MACIR: variants seen among roughly 807,000 people sequenced by gnomAD.
MACIR encodes the protein UNC119-binding protein C5orf30.
Under a neutral mutation model 14.3 loss-of-function variants are expected in MACIR, and 4 were observed. The ratio of observed to expected loss-of-function variants is 0.28; its 90% CI spans 0.14 to 0.64. The LOEUF (loss-of-function observed/expected upper bound fraction) is 0.64, where lower values mean the gene tolerates loss of function less well. Ranked by LOEUF, MACIR falls within the 30% of genes least tolerant of loss-of-function variation. The probability of loss-of-function intolerance (pLI) is 0.83; values close to 1 mark genes in which losing one functional copy is unlikely to be tolerated. For missense variants in MACIR, 228 were observed against 257.6 expected (o/e 0.89, Z 0.79); for synonymous variants, 101 against 102.4 (o/e 0.99, Z 0.08).
intron 2 of MACIR, among the ~76,000 whole-genome samples, chr5:103,275,587 T>C (rs1268395493): frequency 1.3e-5 from 2 of 152,180 alleles, no homozygotes; most frequent in Admixed American, 6.5e-5. Flanking sequence ...GAATAAACTT[T>C]ATGTGATTGA....
chr5:103,271,707 A>T (rs782586799), intron 2 of MACIR, among the ~76,000 whole-genome samples: 2 of 152,020 alleles, frequency 1.3e-5, no homozygotes, highest in Non-Finnish European at 2.9e-5. Flanking sequence ...GAAAAATTGT[A>T]TTGTTCCTGG....
rs1805364068 is a variant in MACIR, at chr5:103,277,051, CT to C, written c.*512del. 1 of 166,940 alleles carries C rather than the reference CT, an allele frequency of 6.0e-6. No homozygotes were observed. The highest frequency in any genetic ancestry group is 1.5e-5 in the Non-Finnish European group (1 of 68,128). 10.3% of individuals were successfully genotyped at this position (166,940 alleles called of 1,614,324 possible). ...AATATTGAGTTTAAATATTTTATAACTGGTTTTGCACTGAAAAAATTAACAT... is the reference window on the plus strand; with the variant it reads ...AATATTGAGTTTAAATATTTTATAACGGTTTTGCACTGAAAAAATTAACAT... On this transcript the variant is annotated 3_prime_UTR_variant, in exon 3 of 3. Coordinates refer to ENST00000319933, the MANE Select transcript of MACIR (RefSeq NM_033211.4).
At chr5:103,262,957 G>A (rs1036305756) in intron 1 of MACIR, among the ~76,000 whole-genome samples, 10 of 152,242 alleles carry the variant, frequency 6.6e-5, no homozygotes, top group South Asian at 4.1e-4. Flanking sequence ...AGTTGCAAGC[G>A]TTAGAGAATT....
At chr5:103,268,651 T>C (rs1008315306) in intron 2 of MACIR, among the ~76,000 whole-genome samples, 2 of 152,204 alleles carry the variant, frequency 1.3e-5, no homozygotes, top group African/African-American at 4.8e-5. Context: ...GAACCCAGGC[T>C]ACACCCCAGA....
intron 2 of MACIR, among the ~76,000 whole-genome samples, chr5:103,270,785 A>G (rs113412673): frequency 0.011 from 1,637 of 152,250 alleles, 32 homozygotes; most frequent in African/African-American, 0.038. Context: ...ACTGACTCAG[A>G]CACCCTATAG....
intron 2 of MACIR, among the ~76,000 whole-genome samples, chr5:103,269,775 G>C (rs1336459734): frequency 2.6e-5 from 4 of 152,140 alleles, no homozygotes; most frequent in African/African-American, 4.8e-5. Context: ...GTTATGGTTT[G>C]GACCTGTTTG....
At chr5:103,265,370 A>C (rs2149924623) in intron 1 of MACIR, among the ~76,000 whole-genome samples, 1 of 152,264 alleles carries the variant, frequency 6.6e-6, no homozygotes, top group Middle Eastern at 3.4e-3. Flanking sequence ...CAGCATGTAA[A>C]GCATTCACCT....
At chr5:103,263,513 C>A (rs77389991) in intron 1 of MACIR, among the ~76,000 whole-genome samples, 1,751 of 152,244 alleles carry the variant, frequency 0.012, 35 homozygotes, top group African/African-American at 0.04. Flanking sequence ...GCTTTCAAAT[C>A]CAGACTAAAG....
chr5:103,271,143 A>C (rs1279534538), intron 2 of MACIR, among the ~76,000 whole-genome samples: 1 of 152,150 alleles, frequency 6.6e-6, no homozygotes, highest in Non-Finnish European at 1.5e-5. Context: ...ATATATAGGA[A>C]AGCTAATGAA....
intron 2 of MACIR, among the ~76,000 whole-genome samples, chr5:103,266,659 C>T (rs1436994542): frequency 6.6e-6 from 1 of 152,042 alleles, no homozygotes; most frequent in Admixed American, 6.6e-5. Context: ...TCTTTAGCAT[C>T]CTTAAGACTA....
chr5:103,259,503 C>T (rs923584296), intron 1 of MACIR: 1 of 152,210 alleles, frequency 6.6e-6, no homozygotes, highest in African/African-American at 2.4e-5. Flanking sequence ...GCCGGCGGCA[C>T]CTTTGGCTGC....
chr5:103,261,694 CTTTCTTTCTTCCTTTCTTT>C (rs1804724525), intron 1 of MACIR, among the ~76,000 whole-genome samples: 44 of 116,822 alleles, frequency 3.8e-4, no homozygotes, highest in African/African-American at 1.5e-3. Context: ...TTCTTTCTTT[CTTTCTTTCTTCCTTTCTTT>C]CTTTCTTTCT....
intron 2 of MACIR, among the ~76,000 whole-genome samples, chr5:103,268,393 G>A (rs1237810854): frequency 3.3e-5 from 5 of 152,116 alleles, no homozygotes; most frequent in South Asian, 2.1e-4. Flanking sequence ...GTTTTAACAC[G>A]TTTGGTTAGC....
chr5:103,271,755 A>G (rs1364023374), intron 2 of MACIR, among the ~76,000 whole-genome samples: 2 of 152,124 alleles, frequency 1.3e-5, no homozygotes, highest in South Asian at 2.1e-4. Context: ...GCATTGTTCA[A>G]TTACAAGTTG....
At chr5:103,261,585 C>G (rs1158814733) in intron 1 of MACIR, among the ~76,000 whole-genome samples, 2 of 151,850 alleles carry the variant, frequency 1.3e-5, no homozygotes, top group South Asian at 2.1e-4. Flanking sequence ...AAGTGCTTTT[C>G]CATTAGTGGT....
chr5:103,261,722 C>CTTTCTTTT (rs1804736738), intron 1 of MACIR, among the ~76,000 whole-genome samples: 1 of 109,332 alleles, frequency 9.1e-6, no homozygotes, highest in Non-Finnish European at 1.9e-5. Context: ...TTCTTTCTTT[C>CTTTCTTTT]TTTCTTTTCT....
rs377719276 is a variant in MACIR, at chr5:103,276,133, A to G, written c.214A>G (p.Lys72Glu). The G allele has an allele frequency of 1.7e-5, 28 of 1,613,822 alleles. No individual in the cohort carries two copies. The highest frequency in any genetic ancestry group is 2.1e-5 in the Non-Finnish European group (25 of 1,179,988). The change falls in exon 3 of 3, where the codon AAG (lysine) becomes GAG (glutamate). Residue 72 changes from lysine to glutamate, a missense_variant. By Grantham distance (56) the Lys-to-Glu change is moderately conservative. Transcript: ENST00000319933. ...CTTCACGACTGGCGAGGAACTCCTG[A>G]AGTTAGCTCAGAAGTGCACAGGAGG... Reference protein sequence around the residue: ...VGFTTGEELLKLAQKCTGGEE... With the variant: ...VGFTTGEELLELAQKCTGGEE...
At chr5:103,259,721 C>T (rs2149917442) in intron 1 of MACIR, 1 of 152,440 alleles carries the variant, frequency 6.6e-6, no homozygotes, top group South Asian at 2.1e-4. Flanking sequence ...CGGTCCGAGC[C>T]AGAAGCTTAA....
intron 2 of MACIR, among the ~76,000 whole-genome samples, chr5:103,270,469 T>C (rs2149929851): frequency 6.6e-6 from 1 of 152,320 alleles, no homozygotes; most frequent in South Asian, 2.1e-4. Context: ...TGGTAGGGGA[T>C]GAAGAATGAT....
Sources: gnomAD v4.1 joint callset for allele counts (sites outside exome capture counted in the v4.1 genomes callset) on GRCh38, gnomAD v4.1.1 for gene constraint, MANE v1.5 for transcripts, NCBI Gene and HGNC (gene_info 2026-07-23, HGNC 2026-07-21) for gene names.